The following FAF1 variants were observed in gnomAD, a reference collection of about 807,000 sequenced individuals.
The protein encoded by FAF1 is Fas associated factor 1.
A neutral mutation model predicts 92.5 loss-of-function variants in FAF1; 25 were observed. The ratio of observed to expected loss-of-function variants is 0.27; its 90% CI spans 0.20 to 0.38. FAF1 has a LOEUF of 0.38. Among genes scored for constraint, FAF1 ranks in the 10% least tolerant of loss-of-function variants. The pLI is 1.00. For synonymous variants in FAF1, 234 were observed against 273.2 expected, an observed-to-expected ratio of 0.86 and a Z score of 1.42; for missense variants, 636 against 793.3, an observed-to-expected ratio of 0.80 and a Z score of 2.38.
intron 1 of FAF1, among the ~76,000 whole-genome samples, chr1:50,896,181 C>T (rs959019975): frequency 1.3e-5 from 2 of 152,022 alleles, no homozygotes; most frequent in African/African-American, 2.4e-5. Flanking sequence ...GCTTGCTACT[C>T]GAGAGGCTTA....
At chr1:50,951,979 C>G (rs191311814) in intron 1 of FAF1, among the ~76,000 whole-genome samples, 9 of 152,288 alleles carry the variant, frequency 5.9e-5, no homozygotes, top group Non-Finnish European at 1.2e-4. Flanking sequence ...TGTCACTCAA[C>G]GTAAGTGACT....
At chr1:50,789,366 G>A (rs1338556330) in intron 3 of FAF1, among the ~76,000 whole-genome samples, 1 of 152,002 alleles carries the variant, frequency 6.6e-6, no homozygotes, top group East Asian at 1.9e-4. Flanking sequence ...GTAAGATCCC[G>A]GACCCCCAAC....
chr1:50,608,677 T>A (rs1652539528), intron 8 of FAF1, among the ~76,000 whole-genome samples: 1 of 152,222 alleles, frequency 6.6e-6, no homozygotes, highest in Non-Finnish European at 1.5e-5. Context: ...ATCATTTGTA[T>A]CACTGACAAC....
chr1:50,539,846 T>C lies in FAF1; in HGVS notation c.1269-118A>G, dbSNP rs921677381. 15 of 673,194 alleles carry C rather than the reference T, an allele frequency of 2.2e-5. No homozygotes were observed. The Admixed American group carries it at 3.2e-4, about 14-fold the overall frequency. The allele number at this position is 673,194 out of a possible 1,614,324, so 41.7% of individuals were successfully genotyped here. On this transcript the variant is annotated intron_variant, in intron 13 of 18. Transcript: ENST00000396153. ...GTTAAATTAGACAGCCTGCCTGATA[T>C]CAATATGTAAAATCTTGCTATATTG...
intron 7 of FAF1, among the ~76,000 whole-genome samples, chr1:50,659,748 A>T (rs1455609715): frequency 6.6e-6 from 1 of 152,198 alleles, no homozygotes; most frequent in East Asian, 1.9e-4. Flanking sequence ...ACTATACTGT[A>T]TTTGGATCTA....
chr1:50,582,043 TG>T (rs1188957382), intron 12 of FAF1, among the ~76,000 whole-genome samples: 2 of 98,546 alleles, frequency 2.0e-5, no homozygotes, highest in African/African-American at 8.0e-5. Flanking sequence ...AACCTTTTTT[TG>T]GGGGGGTGGG....
intron 1 of FAF1, among the ~76,000 whole-genome samples, chr1:50,932,349 G>A (rs1215804229): frequency 6.6e-6 from 1 of 152,148 alleles, no homozygotes; most frequent in East Asian, 1.9e-4. Context: ...ATAAAATGAG[G>A]GTACAGGTAT....
intron 1 of FAF1, among the ~76,000 whole-genome samples, chr1:50,859,485 T>C (rs1272348295): frequency 6.6e-6 from 1 of 151,734 alleles, no homozygotes; most frequent in Admixed American, 6.6e-5. Context: ...GAAAGCCAAA[T>C]CAAGAATATA....
chr1:50,452,218 T>A, intron 18 of FAF1: 1 of 1,219,536 alleles, frequency 8.2e-7, no homozygotes, highest in Non-Finnish European at 1.1e-6. Flanking sequence ...TTCAAGCAAA[T>A]AAAAGAAAGT....
chr1:50,679,590 C>T (rs1477922435), intron 7 of FAF1, among the ~76,000 whole-genome samples: 2 of 152,190 alleles, frequency 1.3e-5, no homozygotes, highest in Non-Finnish European at 2.9e-5. Flanking sequence ...CAATAAATGG[C>T]ACTACCATGA....
chr1:50,635,771 TGCCTG>T (rs1210837899), intron 8 of FAF1, among the ~76,000 whole-genome samples: 1 of 152,210 alleles, frequency 6.6e-6, no homozygotes, highest in African/African-American at 2.4e-5. Context: ...CTTGATGTCA[TGCCTG>T]GCCTTTGCCA....
chr1:50,625,420 G>A (rs1653453314), intron 8 of FAF1, among the ~76,000 whole-genome samples: 1 of 152,212 alleles, frequency 6.6e-6, no homozygotes, highest in Non-Finnish European at 1.5e-5. Context: ...ACAAACAGTA[G>A]TGAATAAACT....
chr1:50,472,364 AACATACACAC>A (rs1298364401), intron 18 of FAF1, among the ~76,000 whole-genome samples: 2 of 90,098 alleles, frequency 2.2e-5, no homozygotes, highest in Admixed American at 2.9e-4. Flanking sequence ...AATTGGGGAA[AACATACACAC>A]ACACACACAC....
chr1:50,910,984 C>T (rs144758961), intron 1 of FAF1, among the ~76,000 whole-genome samples: 47 of 152,246 alleles, frequency 3.1e-4, no homozygotes, highest in African/African-American at 1.1e-3. Context: ...CAGACTGGAG[C>T]TGTTCCTATT....
intron 13 of FAF1, among the ~76,000 whole-genome samples, chr1:50,546,870 T>A (rs1420738498): frequency 6.6e-6 from 1 of 152,136 alleles, no homozygotes; most frequent in East Asian, 1.9e-4. Context: ...CTGCATGTAA[T>A]CCCAAACCTT....
chr1:50,957,917 T>C (rs547450503), intron 1 of FAF1, among the ~76,000 whole-genome samples: 3 of 152,250 alleles, frequency 2.0e-5, no homozygotes, highest in Admixed American at 6.5e-5. Flanking sequence ...CCTTGAAATA[T>C]AGAGTCCTTT....
At chr1:50,675,683 T>C (rs753592524) in intron 7 of FAF1, among the ~76,000 whole-genome samples, 42 of 152,336 alleles carry the variant, frequency 2.8e-4, no homozygotes, top group Non-Finnish European at 4.7e-4. Context: ...AATAAAATAA[T>C]CTTGTGGTTG....
At chr1:50,455,114 CT>C (rs1333959912) in intron 18 of FAF1, among the ~76,000 whole-genome samples, 8 of 152,222 alleles carry the variant, frequency 5.3e-5, no homozygotes, top group African/African-American at 1.9e-4. Flanking sequence ...CAGCAGCTCC[CT>C]TGGCTCTGGA....
intron 7 of FAF1, among the ~76,000 whole-genome samples, chr1:50,686,341 G>C (rs1266237018): frequency 6.6e-6 from 1 of 152,012 alleles, no homozygotes; most frequent in African/African-American, 2.4e-5. Context: ...CCAGGAGATC[G>C]AGACCAGCCT....
Sources: gnomAD v4.1 joint callset for allele counts (sites outside exome capture counted in the v4.1 genomes callset) on GRCh38, gnomAD v4.1.1 for gene constraint, MANE v1.5 for transcripts, NCBI Gene and HGNC (gene_info 2026-07-23, HGNC 2026-07-21) for gene names.